The following IFT122 variants were observed in gnomAD, a reference collection of about 807,000 sequenced individuals.
IFT122 encodes intraflagellar transport protein 122 homolog.
IFT122 carries 118 observed loss-of-function variants against 161.6 expected under a neutral mutation model. That is an observed-to-expected ratio of 0.73 (90% CI 0.63 to 0.85). The LOEUF is 0.85. Among genes scored for constraint, IFT122 ranks in the 40% least tolerant of loss-of-function variants. IFT122 has a pLI of 0.00. For missense variants in IFT122, 1,381 were observed against 1,579.6 expected (o/e 0.87, Z 2.13); for synonymous variants, 550 against 602.4 (o/e 0.91, Z 1.27).
At chr3:129,515,288 A>G in intron 25 of IFT122, 200 bp from the exon 26 acceptor site, 2 of 633,592 alleles carry the variant, frequency 3.2e-6, no homozygotes, top group East Asian at 2.7e-5. Context: ...GACCCAAGTG[A>G]CAGGGCTTGG....
Position 129,520,191 on chromosome 3 carries a change from G to A in IFT122, c.3652G>A (p.Asp1218Asn). 1 of 1,612,244 alleles carries A rather than the reference G, an allele frequency of 6.2e-7. No homozygotes were observed. The highest frequency in any genetic ancestry group is 1.1e-5 in the South Asian group (1 of 90,886). ...CTTCCCTTAGATGTTCCATTCTGAG[G>A]ACTATGAGTTGCTGGTGCTTCAGCA... ...PSCFQMFHSE[D>N]YELLVLQHGC... The change falls in exon 30 of 30, where the codon GAC (aspartate) becomes AAC (asparagine). Residue 1218 changes from aspartate to asparagine, a missense_variant. Asp to Asn is a conservative substitution (Grantham distance 23, BLOSUM62 1). Around this residue, in one of 7 missense-constraint regions of IFT122, gnomAD observed 177 missense variants for 199.2 expected, o/e 0.89. Transcript: ENST00000348417.
intron 3 of IFT122, chr3:129,456,083 A>G: frequency 2.1e-6 from 1 of 466,538 alleles, no homozygotes; most frequent in Non-Finnish European, 4.2e-6. Flanking sequence ...CATGAGGTAA[A>G]TACTAACATT....
chr3:129,514,660 C>G, intron 25 of IFT122, 106 bp downstream of exon 25: 2 of 1,301,842 alleles, frequency 1.5e-6, no homozygotes, highest in Non-Finnish European at 2.2e-6. Context: ...AGCTGCAGCT[C>G]CCTCTAGGCT....
chr3:129,490,424 G>C (rs924140908), intron 16 of IFT122, among the ~76,000 whole-genome samples: 1 of 152,150 alleles, frequency 6.6e-6, no homozygotes, highest in African/African-American at 2.4e-5. Flanking sequence ...CAGAGCTGCA[G>C]GTTCCTCCCT....
intron 28 of IFT122, 131 bp downstream of exon 28, chr3:129,519,317 A>G: frequency 9.9e-7 from 1 of 1,008,384 alleles, no homozygotes. Context: ...GGCACGAAGG[A>G]GGGGCAGGAC....
chr3:129,459,628 CCTTCCTTCCCTCCCTCCCTCCCTT>C (rs1380525162), intron 4 of IFT122, among the ~76,000 whole-genome samples: 22 of 147,776 alleles, frequency 1.5e-4, no homozygotes, highest in African/African-American at 5.5e-4. Context: ...TTCCTTCCTT[CCTTCCTTCCCTCCCTCCCTCCCTT>C]CTTCCTTCCT....
intron 8 of IFT122, among the ~76,000 whole-genome samples, chr3:129,467,737 G>C (rs916290559): frequency 2.6e-5 from 4 of 152,156 alleles, no homozygotes; most frequent in African/African-American, 9.7e-5. Flanking sequence ...GGGTAGCCAG[G>C]ATATCTCAGT....
At chr3:129,479,742 T>C in intron 12 of IFT122, 43 bp from the exon 13 acceptor site, 2 of 1,613,196 alleles carry the variant, frequency 1.2e-6, no homozygotes, top group Non-Finnish European at 1.7e-6. Flanking sequence ...CTGGGGGCAC[T>C]TATTCTGTTG....
Position 129,516,286 on chromosome 3 carries a change from G to GCACA in IFT122, c.3265+706_3265+709dup, listed in dbSNP as rs375077150. Among the ~76,000 whole-genome samples the GCACA allele has an allele frequency of 3.3e-4, 30 of 89,674 alleles. 1 individual carries two copies. The South Asian group carries it at 5.8e-3, about 17-fold the overall frequency. The allele number at this position is 89,674 out of a possible 152,430, so 58.8% of individuals were successfully genotyped here. A position where few individuals can be genotyped will look rare whatever the true frequency, so the allele number is the denominator to read the frequency against. ...CCCTACACACACACAGATTGCTCCT[G>GCACA]CACACACACACACACACACACAGAG... On this transcript the variant is annotated intron_variant, in intron 26 of 29. Coordinates refer to ENST00000348417, the MANE Select transcript of IFT122 (RefSeq NM_052989.3).
chr3:129,489,939 C>T (rs115839555), intron 16 of IFT122, among the ~76,000 whole-genome samples: 1,641 of 150,954 alleles, frequency 0.011, 34 homozygotes, highest in African/African-American at 0.037. Flanking sequence ...GGGAGGGAGA[C>T]GACAAATCCC....
intron 2 of IFT122, 52 bp from the exon 3 acceptor site, chr3:129,451,862 A>G (rs996506351): frequency 5.0e-5 from 72 of 1,444,270 alleles, no homozygotes; most frequent in Admixed American, 2.3e-4. Context: ...CCCTGCAGGA[A>G]TTCTGACTAA....
Position 129,514,397 on chromosome 3 carries a change from T to C in IFT122, c.2996T>C (p.Leu999Pro), listed in dbSNP as rs764512677. Reference sequence around the variant, plus strand: ...AACCCTGTTCACGGCAGGAAAATACTCTTCACCTTGGCCAAGCAGAGCAAG... The same window carrying C: ...AACCCTGTTCACGGCAGGAAAATACCCTTCACCTTGGCCAAGCAGAGCAAG... ...TPSGISKVKILFTLAKQSKAL... is the reference protein window; with the variant it reads ...TPSGISKVKIPFTLAKQSKAL... Residue 999 changes from leucine to proline, a missense_variant, in exon 25 of 30, where the codon CTC becomes CCC. This residue lies in a region of IFT122 where 496 missense variants were observed against 502.5 expected (regional missense o/e 0.99). Transcript: ENST00000348417. The C allele has an allele frequency of 5.6e-6, 9 of 1,614,058 alleles. No individual in the cohort carries two copies. In the South Asian group the frequency reaches 9.9e-5, roughly 18 times the overall value.
intron 4 of IFT122, chr3:129,460,703 C>T: frequency 1.4e-6 from 1 of 723,148 alleles, no homozygotes. Flanking sequence ...GTGTACAAAT[C>T]AACAAACAAT....
At chr3:129,514,761 C>T (rs1578160610) in intron 25 of IFT122, 1 of 673,266 alleles carries the variant, frequency 1.5e-6, no homozygotes, top group East Asian at 2.7e-5. Context: ...GGCGCCCGCT[C>T]ACAGCCCCCG....
intron 1 of IFT122, 49 bp from the exon 2 acceptor site, chr3:129,449,822 C>A: frequency 7.8e-7 from 1 of 1,289,082 alleles, no homozygotes; most frequent in Non-Finnish European, 1.1e-6. Context: ...CATTAGCAGA[C>A]TTCATCATTT....
intron 14 of IFT122, 140 bp downstream of exon 14, chr3:129,481,834 T>G: frequency 1.2e-6 from 1 of 858,786 alleles, no homozygotes; most frequent in South Asian, 1.4e-5. Context: ...ATGCACAGAG[T>G]CCCAGAGGCC....
At chr3:129,464,941 C>G (rs1247182887) in intron 7 of IFT122, among the ~76,000 whole-genome samples, 160 bp downstream of exon 7, 3 of 152,020 alleles carry the variant, frequency 2.0e-5, no homozygotes, top group Non-Finnish European at 1.5e-5. Flanking sequence ...AATAGTCCCG[C>G]TACCTGAGAA....
chr3:129,489,187 G>T (rs1416608682), intron 16 of IFT122, among the ~76,000 whole-genome samples: 5 of 152,130 alleles, frequency 3.3e-5, no homozygotes, highest in Non-Finnish European at 7.3e-5. Flanking sequence ...AAAGAGGGAC[G>T]TGATGCCCGC....
chr3:129,497,662 G>A (rs1048662383), intron 18 of IFT122, among the ~76,000 whole-genome samples: 2 of 152,134 alleles, frequency 1.3e-5, no homozygotes, highest in South Asian at 2.1e-4. Context: ...CTCTATGAAG[G>A]TAAATACTCT....
Sources: allele counts gnomAD v4.1 joint callset (sites outside exome capture counted in the v4.1 genomes callset), GRCh38; gene constraint gnomAD v4.1.1; regional missense constraint gnomAD v4.1.1; transcripts MANE v1.5; gene names NCBI Gene and HGNC (gene_info 2026-07-23, HGNC 2026-07-21).